Variants in PITPNM2 observed in about 807,000 individuals in gnomAD.
PITPNM2 encodes phosphatidylinositol transfer protein membrane associated 2.
PITPNM2 carries 35 observed loss-of-function variants against 132.2 expected under a neutral mutation model. The ratio of observed to expected loss-of-function variants is 0.26; its 90% CI spans 0.20 to 0.35. The LOEUF is 0.35. Among genes scored for constraint, PITPNM2 ranks in the 10% least tolerant of loss-of-function variants. The pLI, the probability that PITPNM2 is intolerant of heterozygous loss-of-function variation, is 1.00. For synonymous variants in PITPNM2, 738 were observed against 799.2 expected (o/e 0.92, Z 1.29); for missense variants, 1,332 against 1,912.0 (o/e 0.70, Z 5.66).
Position 122,996,483 on chromosome 12 carries a change from C to T in PITPNM2, c.1757G>A (p.Arg586His), listed in dbSNP as rs768906969. Residue 586 changes from arginine (R) to histidine (H), a missense_variant, in exon 13 of 26, where the codon CGC becomes CAC. By Grantham distance (29) the Arg-to-His change is conservative (BLOSUM62 0). Transcript: ENST00000320201. ...CTGCATGCTGACCACGCTGCCCCGGCGGCTGCTGCTCTGACTCTCAGACAC... is the reference window on the plus strand; with the variant it reads ...CTGCATGCTGACCACGCTGCCCCGGTGGCTGCTGCTCTGACTCTCAGACAC... Reference protein sequence around the residue: ...QPVSESQSSSRRGSVVSMQDN... With the variant: ...QPVSESQSSSHRGSVVSMQDN... The T allele has an allele frequency of 7.4e-6, 12 of 1,613,096 alleles. No individual in the cohort carries two copies. The highest frequency in any genetic ancestry group is 2.2e-5 in the East Asian group (1 of 44,882).
rs749184088 is a variant in PITPNM2 at position 123,005,337 on chromosome 12, C to T, written c.855G>A (p.Pro285=). 15 of 1,614,078 alleles carry T rather than the reference C, an allele frequency of 9.3e-6. No individual in the cohort carries two copies. In the Admixed American group the frequency reaches 1.3e-4, roughly 14 times the overall value. The change falls in exon 7 of 26, where the codon CCG becomes CCA. Residue 285 remains proline (P), a synonymous_variant. Coordinates refer to ENST00000320201, the MANE Select transcript of PITPNM2 (RefSeq NM_020845.3). This position sits in a 1 kb window ranked among gnomAD's most constrained non-coding sequence, Gnocchi z 6.2. Reference sequence around the variant, plus strand: ...GCTCCCCATTGCTGCTGCTGGGCTCCGGGGGCTCCCCAGAGGTCTGGTCCG... The same window carrying T: ...GCTCCCCATTGCTGCTGCTGGGCTCTGGGGGCTCCCCAGAGGTCTGGTCCG... ...AVSDQTSGEP[P]EPSSSNGEPL... is the part of the protein sequence containing the mutation.
chr12:123,113,609 G>C (rs184164635), intron 1 of PITPNM2, among the ~76,000 whole-genome samples: 11 of 152,282 alleles, frequency 7.2e-5, no homozygotes, highest in Non-Finnish European at 7.4e-5. Flanking sequence ...GCTGAGTTGG[G>C]AGGGTAACCT....
chr12:122,989,299 G>A (rs1463126496), intron 18 of PITPNM2, among the ~76,000 whole-genome samples: 1 of 152,182 alleles, frequency 6.6e-6, no homozygotes, highest in African/African-American at 2.4e-5. Flanking sequence ...GATCCCCAGG[G>A]CAAGGGTGCT....
At chr12:122,988,402 C>A in intron 19 of PITPNM2, 52 bp from the exon 20 acceptor site, 3 of 1,513,258 alleles carry the variant, frequency 2.0e-6, no homozygotes, top group Middle Eastern at 1.7e-4. Context: ...CCGGGGGCTT[C>A]CTGCCCTGGG....
At chr12:123,114,108 G>A (rs2042891615) in intron 1 of PITPNM2, among the ~76,000 whole-genome samples, 1 of 152,122 alleles carries the variant, frequency 6.6e-6, no homozygotes, top group Admixed American at 6.5e-5. Context: ...GGACATTTGG[G>A]TTGGTTCCAC....
intron 1 of PITPNM2, among the ~76,000 whole-genome samples, chr12:123,142,561 G>A (rs750295731): frequency 1.3e-5 from 2 of 152,196 alleles, no homozygotes; most frequent in Non-Finnish European, 2.9e-5. Flanking sequence ...TGACTGCCAT[G>A]GGGAAGGCTG....
At position 122,986,257 on chromosome 12, in the gene PITPNM2, G is replaced by A. The variant is rs139905509; in HGVS notation, c.3820C>T (p.Arg1274Cys). The A allele has an allele frequency of 7.0e-6, 11 of 1,580,294 alleles. No homozygotes were observed. The highest frequency in any genetic ancestry group is 2.3e-5 in the South Asian group (2 of 87,076). ...ARNTATRMAL[R>C]KGSFGLPGQG... Reference sequence around the variant, plus strand: ...CCGGGCAGGCCGAAGCTGCCCTTGCGCAGCGCCATGCGGGTGGCCGTGTTG... The same window carrying A: ...CCGGGCAGGCCGAAGCTGCCCTTGCACAGCGCCATGCGGGTGGCCGTGTTG... Residue 1274 changes from arginine (R) to cysteine (C), a missense_variant, in exon 26 of 26, where the codon CGC (arginine) becomes TGC (cysteine). Arg to Cys is a radical substitution (Grantham distance 180). Around this residue, in one of 6 missense-constraint regions of PITPNM2, gnomAD observed 163 missense variants for 177.2 expected, o/e 0.92. Coordinates refer to ENST00000320201, the MANE Select transcript of PITPNM2 (RefSeq NM_020845.3).
intron 2 of PITPNM2, among the ~76,000 whole-genome samples, chr12:123,071,079 TC>T (rs1414249436): frequency 3.9e-5 from 6 of 152,126 alleles, no homozygotes; most frequent in Non-Finnish European, 7.4e-5. Context: ...TGGCTCAGTG[TC>T]CCCATCTAGC....
intron 5 of PITPNM2, 104 bp from the exon 6 acceptor site, chr12:123,010,181 T>C (rs1184041870): frequency 4.1e-6 from 4 of 979,966 alleles, no homozygotes; most frequent in Non-Finnish European, 6.1e-6. Context: ...CTCTGGGCCT[T>C]GCCCTGCCAG....
chr12:123,092,114 T>A (rs2042283501), intron 2 of PITPNM2: 1 of 152,188 alleles, frequency 6.6e-6, no homozygotes, highest in Non-Finnish European at 1.5e-5. Context: ...ACCTACACAC[T>A]GGAGTGGGTA....
chr12:123,025,028 G>T (rs2039806359), intron 3 of PITPNM2, among the ~76,000 whole-genome samples: 1 of 152,124 alleles, frequency 6.6e-6, no homozygotes, highest in Non-Finnish European at 1.5e-5. Context: ...GAGAGACATG[G>T]GTCACCTCTA....
chr12:123,050,715 C>T (rs1385865473), intron 2 of PITPNM2, among the ~76,000 whole-genome samples: 1 of 152,190 alleles, frequency 6.6e-6, no homozygotes. Context: ...CCTTTACAGT[C>T]CAGCCTCCCA....
chr12:123,110,124 A>AT (rs1007566397), intron 2 of PITPNM2, among the ~76,000 whole-genome samples: 11 of 149,914 alleles, frequency 7.3e-5, no homozygotes, highest in Middle Eastern at 3.4e-3. Flanking sequence ...CACCCAGTTA[A>AT]TTTTTTTTTT....
chr12:123,151,644 G>A (rs1271719518), upstream of PITPNM2, among the ~76,000 whole-genome samples: 1 of 152,126 alleles, frequency 6.6e-6, no homozygotes, highest in Non-Finnish European at 1.5e-5. Flanking sequence ...CCACCTCAGG[G>A]AGTAGCTGGA....
chr12:123,140,070 G>A (rs1022851040), intron 1 of PITPNM2, among the ~76,000 whole-genome samples: 4 of 152,158 alleles, frequency 2.6e-5, no homozygotes, highest in Non-Finnish European at 5.9e-5. Context: ...GGACAGCAAC[G>A]CAGGTCTGAC....
At position 122,985,900 on chromosome 12, in the gene PITPNM2, G is replaced by A; in HGVS notation, c.*127C>T. The A allele has an allele frequency of 1.1e-6, 1 of 902,954 alleles. No individual in the cohort carries two copies. Among genetic ancestry groups the A allele is most frequent in the Non-Finnish European group, 1.5e-6 (1 of 658,478 alleles). 55.9% of individuals were successfully genotyped at this position (902,954 alleles called of 1,614,324 possible). ...GGGAGCACTGTGTGGTGCGGCCCGTGTCCTCCACAAGGCCCTGGGACAATC... is the reference window on the plus strand; with the variant it reads ...GGGAGCACTGTGTGGTGCGGCCCGTATCCTCCACAAGGCCCTGGGACAATC... On this transcript the variant is annotated 3_prime_UTR_variant, in exon 26 of 26. Coordinates refer to ENST00000320201, the MANE Select transcript of PITPNM2 (RefSeq NM_020845.3).
Position 123,000,320 on chromosome 12 carries a change from T to C in PITPNM2, c.1224+458A>G, listed in dbSNP as rs560408310. The C allele has an allele frequency of 1.5e-6, 1 of 683,348 alleles. No homozygotes were observed. The highest frequency in any genetic ancestry group is 1.8e-5 in the African/African-American group (1 of 56,142). 42.3% of individuals were successfully genotyped at this position (683,348 alleles called of 1,614,324 possible). A position where few individuals can be genotyped will look rare whatever the true frequency, so the allele number is the denominator to read the frequency against. Reference sequence around the variant, plus strand: ...TACAGGCGCTCTACCAAGACAGTTTTATTGGACACACTGAGCTCCGCCTGC... The same window carrying C: ...TACAGGCGCTCTACCAAGACAGTTTCATTGGACACACTGAGCTCCGCCTGC... On this transcript the variant is annotated intron_variant, in intron 10 of 25. Transcript: ENST00000320201. The surrounding 1 kb of genome is among the most constrained non-coding windows in gnomAD (Gnocchi z 5.4).
chr12:123,029,747 C>T (rs930846980), intron 3 of PITPNM2, among the ~76,000 whole-genome samples: 1 of 151,576 alleles, frequency 6.6e-6, no homozygotes, highest in African/African-American at 2.4e-5. Flanking sequence ...CATGTGTCTG[C>T]ATGTATTTGT....
intron 2 of PITPNM2, among the ~76,000 whole-genome samples, chr12:123,065,380 C>T (rs991838719): frequency 2.0e-5 from 3 of 152,220 alleles, no homozygotes; most frequent in Admixed American, 6.5e-5. Flanking sequence ...GGACAGCGCA[C>T]AGGGCTCTGC....
Sources: gnomAD v4.1 joint callset for allele counts (sites outside exome capture counted in the v4.1 genomes callset) on GRCh38, gnomAD v4.1.1 for gene constraint, gnomAD v4.1.1 regional missense constraint, Gnocchi (gnomAD v3.1) non-coding constraint, MANE v1.5 for transcripts, NCBI Gene and HGNC (gene_info 2026-07-23, HGNC 2026-07-21) for gene names.